The following COQ10B variants were observed in gnomAD, a reference collection of about 807,000 sequenced individuals.
The protein encoded by COQ10B is coenzyme Q10B.
In COQ10B, 12 loss-of-function variants were observed where a neutral mutation model predicts 27.6. The observed-to-expected ratio is 0.43, with a 90% confidence interval of 0.28 to 0.70. The LOEUF (loss-of-function observed/expected upper bound fraction) is 0.70, where lower values mean the gene tolerates loss of function less well. Among genes scored for constraint, COQ10B ranks in the 30% least tolerant of loss-of-function variants. The pLI is 0.17. For missense variants in COQ10B, 278 were observed against 288.7 expected, an observed-to-expected ratio of 0.96 and a Z score of 0.27; for synonymous variants, 115 against 103.0, an observed-to-expected ratio of 1.12 and a Z score of -0.71.
intron 2 of COQ10B, 124 bp downstream of exon 2, chr2:197,460,205 T>A (rs1192435917): frequency 2.0e-5 from 12 of 596,678 alleles, no homozygotes; most frequent in Non-Finnish European, 3.2e-5. Context: ...TAGGTTGGCC[T>A]TTTTCTTTTT....
chr2:197,467,535 G>A (rs1434036131), intron 3 of COQ10B, among the ~76,000 whole-genome samples: 4 of 152,150 alleles, frequency 2.6e-5, no homozygotes, highest in African/African-American at 4.8e-5. Flanking sequence ...GCGCCACCAC[G>A]CCCAGCTAAT....
intron 3 of COQ10B, among the ~76,000 whole-genome samples, chr2:197,467,855 A>G (rs1346204691): frequency 6.6e-6 from 1 of 152,226 alleles, no homozygotes; most frequent in Non-Finnish European, 1.5e-5. Flanking sequence ...ACTAATCTTT[A>G]ATGGCCAGAA....
intron 3 of COQ10B, among the ~76,000 whole-genome samples, chr2:197,464,806 T>C (rs756867143): frequency 2.0e-4 from 30 of 152,082 alleles, no homozygotes; most frequent in Admixed American, 1.0e-3. Context: ...AGTGAATATT[T>C]CTATAATCTT....
Position 197,459,949 on chromosome 2 carries a change from G to C in COQ10B, c.122G>C (p.Gly41Ala). 1 of 1,605,302 alleles carries C rather than the reference G, an allele frequency of 6.2e-7. No individual in the cohort carries two copies. Among genetic ancestry groups the C allele is most frequent in the East Asian group, 2.2e-5 (1 of 44,478 alleles). Residue 41 changes from glycine to alanine, a missense_variant, in exon 2 of 5, where the codon GGT becomes GCT. By Grantham distance (60) the Gly-to-Ala change is moderately conservative. Around this residue, in one of 3 missense-constraint regions of COQ10B, gnomAD observed 183 missense variants for 158.2 expected, o/e 1.16. Transcript: ENST00000263960. ...CTTTTCAGATATTTAGCTTCCTGTG[G>C]TATACTGATGAGCAGAACTCTTCCA... is the stretch of plus-strand genomic sequence containing the variant. The part of the protein sequence containing the change: ...VRNGRYLASC[G>A]ILMSRTLPLH...
At chr2:197,473,400 C>G (rs1456511445) in intron 4 of COQ10B, among the ~76,000 whole-genome samples, 2 of 50,450 alleles carry the variant, frequency 4.0e-5, no homozygotes, top group Admixed American at 1.9e-4. Flanking sequence ...CGCCCCCCCC[C>G]ACAAAAAAAA....
At position 197,470,119 on chromosome 2, in the gene COQ10B, G is replaced by A. The variant is rs939857719; in HGVS notation, c.497G>A (p.Arg166His). The A allele has an allele frequency of 8.7e-6, 14 of 1,613,450 alleles. No individual in the cohort carries two copies. In the Middle Eastern group the frequency reaches 5.0e-4, roughly 57 times the overall value. Residue 166 changes from arginine (R) to histidine (H), a missense_variant, in exon 4 of 5, where the codon CGT becomes CAT. By Grantham distance (29) the Arg-to-His change is conservative. This residue lies in a region of COQ10B where 83 missense variants were observed against 104.5 expected (regional missense o/e 0.79). Transcript: ENST00000263960. ...TTCAATCATTTGGAGACTATTTGGC[G>A]TTTTAGCCCAGGTCTTCCTGGCTAC... is the stretch of plus-strand genomic sequence containing the variant. ...RLFNHLETIWRFSPGLPGYPR... is the reference protein window; with the variant it reads ...RLFNHLETIWHFSPGLPGYPR...
At position 197,460,044 on chromosome 2, in the gene COQ10B, A is replaced by G; in HGVS notation, c.217A>G (p.Asn73Asp). ...CTTCAAAATCACTGCACCATTAATAAACAAAAGGAAAGAATATTCAGAGAG... is the reference window on the plus strand; with the variant it reads ...CTTCAAAATCACTGCACCATTAATAGACAAAAGGAAAGAATATTCAGAGAG... ...TFFKITAPLI[N>D]KRKEYSERRI... Residue 73 changes from asparagine to aspartate, a missense_variant, in exon 2 of 5, where the codon AAC (asparagine) becomes GAC (aspartate). Physicochemically the swap from Asn to Asp is conservative, Grantham distance 23. Coordinates refer to ENST00000263960, the MANE Select transcript of COQ10B (RefSeq NM_025147.5). The G allele has an allele frequency of 6.2e-7, 1 of 1,610,188 alleles. No homozygotes were observed. Among genetic ancestry groups the G allele is most frequent in the Non-Finnish European group, 8.5e-7 (1 of 1,177,692 alleles).
At chr2:197,453,783 G>A in intron 1 of COQ10B, 119 bp downstream of exon 1, 1 of 1,064,638 alleles carries the variant, frequency 9.4e-7, no homozygotes, top group South Asian at 1.5e-5. Context: ...CGTGTCTTTA[G>A]AGGAGAAGGC....
chr2:197,473,415 A>AATATATATATATAT (rs1161758409), intron 4 of COQ10B, among the ~76,000 whole-genome samples: 7 of 59,502 alleles, frequency 1.2e-4, no homozygotes, highest in East Asian at 7.7e-4. Context: ...AAAAAAAAAA[A>AATATATATATATAT]ATATATATAT....
intron 4 of COQ10B, 61 bp from the exon 5 acceptor site, chr2:197,473,694 CCA>C: frequency 6.0e-5 from 64 of 1,072,840 alleles, no homozygotes; most frequent in Non-Finnish European, 7.6e-5. Context: ...TCCAGGAAAA[CCA>C]AAAAAAAAAA....
intron 4 of COQ10B, among the ~76,000 whole-genome samples, chr2:197,471,226 T>C (rs2085873704): frequency 6.6e-6 from 1 of 152,094 alleles, no homozygotes; most frequent in African/African-American, 2.4e-5. Context: ...CAGTGTAACC[T>C]CTGCTTCCCT....
chr2:197,463,996 TACACAC>T (rs1241115366), intron 3 of COQ10B, among the ~76,000 whole-genome samples: 56 of 32,852 alleles, frequency 1.7e-3, no homozygotes, highest in African/African-American at 4.1e-3. Context: ...TATATATATA[TACACAC>T]ACACACACAC....
At chr2:197,465,147 A>C (rs2085810734) in intron 3 of COQ10B, among the ~76,000 whole-genome samples, 1 of 151,980 alleles carries the variant, frequency 6.6e-6, no homozygotes, top group South Asian at 2.1e-4. Flanking sequence ...AGCCTCCCAA[A>C]GTGCTGGGAT....
chr2:197,465,995 G>A (rs1012795161), intron 3 of COQ10B, among the ~76,000 whole-genome samples: 2 of 152,098 alleles, frequency 1.3e-5, no homozygotes, highest in African/African-American at 4.8e-5. Context: ...GGGAGGCTGA[G>A]GCAGAAGAAT....
At chr2:197,463,992 T>TAC (rs1217491415) in intron 3 of COQ10B, among the ~76,000 whole-genome samples, 181 of 65,774 alleles carry the variant, frequency 2.8e-3, no homozygotes, top group Admixed American at 7.6e-3. Context: ...TATATATATA[T>TAC]ATATACACAC....
intron 4 of COQ10B, among the ~76,000 whole-genome samples, chr2:197,472,873 C>G (rs1210488907): frequency 3.3e-5 from 5 of 151,672 alleles, no homozygotes; most frequent in Admixed American, 3.3e-4. Context: ...CACACATGTG[C>G]ATGCACACTT....
intron 1 of COQ10B, chr2:197,454,089 T>C: frequency 6.4e-7 from 1 of 1,550,858 alleles, no homozygotes; most frequent in Non-Finnish European, 8.7e-7. Flanking sequence ...TGCCAGATGG[T>C]CAGATGCGTT....
At chr2:197,472,691 C>T (rs1245631829) in intron 4 of COQ10B, among the ~76,000 whole-genome samples, 1 of 150,586 alleles carries the variant, frequency 6.6e-6, no homozygotes, top group Non-Finnish European at 1.5e-5. Flanking sequence ...GTGGTCCCAG[C>T]TACTCTGGAG....
At chr2:197,463,990 T>TAC (rs1559293163) in intron 3 of COQ10B, among the ~76,000 whole-genome samples, 12 of 74,926 alleles carry the variant, frequency 1.6e-4, no homozygotes, top group Non-Finnish European at 2.0e-4. Context: ...TATATATATA[T>TAC]ATATATACAC....
Sources: gnomAD v4.1 joint callset for allele counts (sites outside exome capture counted in the v4.1 genomes callset) on GRCh38, gnomAD v4.1.1 for gene constraint, gnomAD v4.1.1 regional missense constraint, MANE v1.5 for transcripts, NCBI Gene and HGNC (gene_info 2026-07-23, HGNC 2026-07-21) for gene names.